EPHA3: variants seen among roughly 807,000 people sequenced by gnomAD.
EPHA3 encodes the protein ephrin type-A receptor 3.
A neutral mutation model predicts 107.1 loss-of-function variants in EPHA3; 42 were observed. The ratio of observed to expected loss-of-function variants is 0.39; its 90% CI spans 0.31 to 0.51. EPHA3 has a LOEUF of 0.51. Ranked by LOEUF, EPHA3 falls within the 20% of genes least tolerant of loss-of-function variation. The pLI is 0.78. For synonymous variants in EPHA3, 461 were observed against 424.8 expected (o/e 1.09, Z -1.05); for missense variants, 1,183 against 1,211.2 (o/e 0.98, Z 0.35).
chr3:89,305,699 A>G (rs1576301205), intron 3 of EPHA3, among the ~76,000 whole-genome samples: 1 of 151,582 alleles, frequency 6.6e-6, no homozygotes, highest in South Asian at 2.1e-4. Context: ...GACCCCATTA[A>G]CCCCTTGGCT....
At chr3:89,387,207 C>A (rs1708639147) in intron 5 of EPHA3, among the ~76,000 whole-genome samples, 1 of 152,118 alleles carries the variant, frequency 6.6e-6, no homozygotes, top group African/African-American at 2.4e-5. Flanking sequence ...TGTCCCCACC[C>A]AAATCTCATC....
chr3:89,455,894 G>A (rs1320691940), intron 15 of EPHA3, among the ~76,000 whole-genome samples: 1 of 152,046 alleles, frequency 6.6e-6, no homozygotes, highest in African/African-American at 2.4e-5. Flanking sequence ...TTTTAATTCT[G>A]TTTTCTGTGA....
intron 3 of EPHA3, among the ~76,000 whole-genome samples, chr3:89,318,456 C>A (rs1706961931): frequency 6.6e-6 from 1 of 151,722 alleles, no homozygotes; most frequent in Admixed American, 6.6e-5. Flanking sequence ...CTTTCAAATT[C>A]TTTTCATTTC....
At chr3:89,144,821 C>A (rs187271118) in intron 2 of EPHA3, among the ~76,000 whole-genome samples, 1 of 151,654 alleles carries the variant, frequency 6.6e-6, no homozygotes, top group East Asian at 1.9e-4. Flanking sequence ...GATTATTAAA[C>A]TTTGGGTGTT....
chr3:89,275,956 G>A (rs980962136), intron 3 of EPHA3, among the ~76,000 whole-genome samples: 3 of 151,984 alleles, frequency 2.0e-5, no homozygotes, highest in Non-Finnish European at 4.4e-5. Context: ...AATATACTTG[G>A]CCAAATTTTG....
At chr3:89,264,557 A>G (rs1176924099) in intron 3 of EPHA3, among the ~76,000 whole-genome samples, 2 of 152,246 alleles carry the variant, frequency 1.3e-5, no homozygotes, top group East Asian at 3.9e-4. Flanking sequence ...TTTATAAATT[A>G]TCATATAAAC....
chr3:89,227,994 G>A (rs751901367), intron 3 of EPHA3, among the ~76,000 whole-genome samples: 2 of 151,970 alleles, frequency 1.3e-5, no homozygotes, highest in Non-Finnish European at 2.9e-5. Flanking sequence ...GTTAATTAAA[G>A]TGTATTGTGC....
At chr3:89,424,043 C>T (rs78806502) in intron 11 of EPHA3, among the ~76,000 whole-genome samples, 1,808 of 151,426 alleles carry the variant, frequency 0.012, 17 homozygotes, top group South Asian at 0.024. Flanking sequence ...AAAGTATCAC[C>T]TCTAAATGCC....
chr3:89,305,213 T>A (rs1262553306), intron 3 of EPHA3, among the ~76,000 whole-genome samples: 2 of 152,206 alleles, frequency 1.3e-5, no homozygotes, highest in Non-Finnish European at 2.9e-5. Context: ...ATCATCTTCC[T>A]ATTCTGAATA....
intron 3 of EPHA3, among the ~76,000 whole-genome samples, chr3:89,232,522 G>A (rs1446876128): frequency 1.3e-5 from 2 of 152,050 alleles, no homozygotes; most frequent in Non-Finnish European, 1.5e-5. Flanking sequence ...CTATACATAG[G>A]TTCCATGTAA....
chr3:89,233,712 G>A (rs1704689393), intron 3 of EPHA3, among the ~76,000 whole-genome samples: 2 of 152,248 alleles, frequency 1.3e-5, no homozygotes, highest in South Asian at 2.1e-4. Context: ...TAAGGGAAAC[G>A]GTGGAAGGCA....
intron 3 of EPHA3, among the ~76,000 whole-genome samples, chr3:89,270,894 CTGT>C (rs371115996): frequency 2.0e-4 from 30 of 152,072 alleles, no homozygotes; most frequent in African/African-American, 6.7e-4. Context: ...AATATATTTG[CTGT>C]TTATTAAATC....
At chr3:89,466,921 G>T (rs1484291343) in intron 15 of EPHA3, among the ~76,000 whole-genome samples, 4 of 151,796 alleles carry the variant, frequency 2.6e-5, no homozygotes, top group Non-Finnish European at 4.4e-5. Context: ...AATTAAACCA[G>T]GTGTAACGGC....
chr3:89,303,270 C>G (rs561565902), intron 3 of EPHA3, among the ~76,000 whole-genome samples: 2 of 151,970 alleles, frequency 1.3e-5, no homozygotes, highest in Non-Finnish European at 2.9e-5. Context: ...CTCCATACTC[C>G]TTATTGCTTT....
chr3:89,449,966 T>C (rs1709954222), intron 14 of EPHA3, among the ~76,000 whole-genome samples: 1 of 152,236 alleles, frequency 6.6e-6, no homozygotes, highest in Non-Finnish European at 1.5e-5. Context: ...CCTAAATTTA[T>C]GTTATTTCAA....
intron 5 of EPHA3, among the ~76,000 whole-genome samples, chr3:89,351,123 C>G (rs1386137586): frequency 6.6e-6 from 1 of 151,276 alleles, no homozygotes; most frequent in Non-Finnish European, 1.5e-5. Context: ...GGCAGGACTC[C>G]TTGAACTGTG....
At chr3:89,367,938 T>A (rs1708215597) in intron 5 of EPHA3, among the ~76,000 whole-genome samples, 1 of 150,810 alleles carries the variant, frequency 6.6e-6, no homozygotes, top group Non-Finnish European at 1.5e-5. Flanking sequence ...TGTATTAGAA[T>A]GCTACTTCAT....
At chr3:89,459,152 A>C (rs967559258) in intron 15 of EPHA3, among the ~76,000 whole-genome samples, 4 of 152,212 alleles carry the variant, frequency 2.6e-5, no homozygotes, top group Non-Finnish European at 5.9e-5. Flanking sequence ...CTATGTAACA[A>C]ACCTGCAGGT....
At chr3:89,312,134 C>T (rs886291506) in intron 3 of EPHA3, among the ~76,000 whole-genome samples, 15 of 152,050 alleles carry the variant, frequency 9.9e-5, no homozygotes, top group African/African-American at 3.4e-4. Flanking sequence ...CCTGGTTTCA[C>T]TTCTTTCAGG....
Sources: allele counts gnomAD v4.1 joint callset (sites outside exome capture counted in the v4.1 genomes callset), GRCh38; gene constraint gnomAD v4.1.1; transcripts MANE v1.5; gene names NCBI Gene and HGNC (gene_info 2026-07-23, HGNC 2026-07-21).